The following LNX1 variants were observed in gnomAD, a reference collection of about 807,000 sequenced individuals.
LNX1 encodes E3 ubiquitin-protein ligase LNX.
Under a neutral mutation model 68.4 loss-of-function variants are expected in LNX1, and 54 were observed. The ratio of observed to expected loss-of-function variants is 0.79; its 90% CI spans 0.63 to 0.99. The LOEUF is 0.99. Among genes scored for constraint, LNX1 ranks in the 50% least tolerant of loss-of-function variants. LNX1 has a pLI of 0.00. For synonymous variants in LNX1, 336 were observed against 350.0 expected, an observed-to-expected ratio of 0.96 and a Z score of 0.45; for missense variants, 906 against 926.4, an observed-to-expected ratio of 0.98 and a Z score of 0.29.
At chr4:53,489,632 T>A (rs1724550255) in intron 6 of LNX1, among the ~76,000 whole-genome samples, 1 of 152,166 alleles carries the variant, frequency 6.6e-6, no homozygotes, top group South Asian at 2.1e-4. Flanking sequence ...TCCCCTAATA[T>A]TTGCAGTGTG....
At chr4:53,499,791 T>C (rs1725347331) in intron 4 of LNX1, among the ~76,000 whole-genome samples, 1 of 152,236 alleles carries the variant, frequency 6.6e-6, no homozygotes, top group Non-Finnish European at 1.5e-5. Context: ...GCCTGATTCA[T>C]GATCAAGAAG....
chr4:53,547,507 G>C (rs1232025209), intron 2 of LNX1, among the ~76,000 whole-genome samples: 1 of 152,124 alleles, frequency 6.6e-6, no homozygotes, highest in East Asian at 1.9e-4. Flanking sequence ...GAATCACTAG[G>C]TCATCTCACC....
intron 2 of LNX1, among the ~76,000 whole-genome samples, chr4:53,569,091 G>A (rs1446024463): frequency 5.3e-5 from 8 of 151,434 alleles, no homozygotes; most frequent in African/African-American, 1.9e-4. Context: ...TACTGCCCAA[G>A]GTAATTTACA....
At chr4:53,491,928 C>T (rs983609488) in intron 6 of LNX1, among the ~76,000 whole-genome samples, 2 of 151,710 alleles carry the variant, frequency 1.3e-5, no homozygotes, top group African/African-American at 4.8e-5. Flanking sequence ...GCTGGGATCA[C>T]AGGCGTGCGC....
At chr4:53,609,110 CT>C (rs1733364700) in intron 2 of LNX1, among the ~76,000 whole-genome samples, 2 of 152,062 alleles carry the variant, frequency 1.3e-5, no homozygotes, top group Non-Finnish European at 2.9e-5. Context: ...TGCTTCACTC[CT>C]ACAACTATCT....
intron 1 of LNX1, among the ~76,000 whole-genome samples, chr4:53,645,853 C>A (rs138379885): frequency 2.0e-5 from 3 of 152,208 alleles, no homozygotes; most frequent in Admixed American, 2.0e-4. Context: ...AAATACCAGA[C>A]TCCTGGGCAT....
upstream of LNX1, among the ~76,000 whole-genome samples, chr4:53,621,478 C>T (rs570129970): frequency 4.6e-5 from 7 of 152,192 alleles, no homozygotes; most frequent in Admixed American, 1.3e-4. Context: ...AATGGGTGCT[C>T]GGTCAATGTT....
At chr4:53,600,309 A>C (rs1480759301) in intron 2 of LNX1, among the ~76,000 whole-genome samples, 4 of 152,158 alleles carry the variant, frequency 2.6e-5, no homozygotes, top group Admixed American at 2.0e-4. Flanking sequence ...CATGCACACA[A>C]AAAAAAGTCC....
intron 10 of LNX1, 75 bp downstream of exon 10, chr4:53,461,360 C>G: frequency 8.2e-7 from 1 of 1,224,482 alleles, no homozygotes; most frequent in South Asian, 1.4e-5. Context: ...CATGCCTTAT[C>G]TCAAATGGGG....
chr4:53,480,127 G>A (rs1283044315), intron 7 of LNX1, among the ~76,000 whole-genome samples: 2 of 152,166 alleles, frequency 1.3e-5, no homozygotes, highest in African/African-American at 4.8e-5. Context: ...AACCAAACAA[G>A]ATTTTAGTAA....
chr4:53,557,725 G>T, intron 2 of LNX1: 1 of 863,260 alleles, frequency 1.2e-6, no homozygotes, highest in African/African-American at 1.7e-5. Flanking sequence ...TAAGCATGCC[G>T]TTTTAAACTG....
intron 9 of LNX1, among the ~76,000 whole-genome samples, chr4:53,466,428 G>A (rs932491490): frequency 1.1e-4 from 17 of 152,204 alleles, no homozygotes; most frequent in African/African-American, 4.1e-4. Flanking sequence ...TGCAGAAGAT[G>A]GGTGATTTCT....
chr4:53,541,197 C>A (rs577594141), intron 2 of LNX1, among the ~76,000 whole-genome samples: 7 of 151,024 alleles, frequency 4.6e-5, no homozygotes, highest in African/African-American at 7.3e-5. Flanking sequence ...GGCAGGAATG[C>A]GTTCTGTGAT....
chr4:53,548,347 A>G (rs1373089061), intron 2 of LNX1, among the ~76,000 whole-genome samples: 1 of 152,018 alleles, frequency 6.6e-6, no homozygotes, highest in Non-Finnish European at 1.5e-5. Context: ...TCTTAGGTAT[A>G]TTTTTTCTAT....
chr4:53,476,717 C>A (rs755198295), intron 9 of LNX1, 36 bp downstream of exon 9: 5 of 1,559,118 alleles, frequency 3.2e-6, no homozygotes, highest in Non-Finnish European at 4.4e-6. Context: ...ATCGTTTTCT[C>A]CCACGCCCCT....
rs536163617 is a variant in LNX1 at position 53,591,394 on chromosome 4, A to G, written c.-93T>C. The G allele has an allele frequency of 1.0e-3, 982 of 985,526 alleles. 1 individual carries two copies. The highest frequency in any genetic ancestry group is 1.1e-3 in the Non-Finnish European group (933 of 830,066). 61.0% of individuals were successfully genotyped at this position (985,526 alleles called of 1,614,324 possible). A position where few individuals can be genotyped will look rare whatever the true frequency, so the allele number is the denominator to read the frequency against. On this transcript the variant is annotated 5_prime_UTR_variant, in exon 1 of 11. An upstream open reading frame in the 5' UTR loses its in-frame stop. Coordinates refer to ENST00000263925, the MANE Select transcript of LNX1 (RefSeq NM_001126328.3). ...ATGGAGGGTTTCAACTCACCTCTTCAAGCGACTGTCTGGGGCTCTCCAAGC... is the reference window on the plus strand; with the variant it reads ...ATGGAGGGTTTCAACTCACCTCTTCGAGCGACTGTCTGGGGCTCTCCAAGC...
intron 2 of LNX1, among the ~76,000 whole-genome samples, chr4:53,566,427 A>C (rs1489817387): frequency 2.6e-5 from 4 of 152,022 alleles, no homozygotes; most frequent in African/African-American, 9.7e-5. Context: ...GAAAGAAAAT[A>C]CTTTACAGAC....
chr4:53,488,843 C>T (rs1724497470), intron 6 of LNX1, among the ~76,000 whole-genome samples: 1 of 152,126 alleles, frequency 6.6e-6, no homozygotes, highest in African/African-American at 2.4e-5. Context: ...AAATCAAAGT[C>T]ATCAGTCATT....
chr4:53,605,020 C>T (rs1026932024), intron 2 of LNX1, among the ~76,000 whole-genome samples: 8 of 152,048 alleles, frequency 5.3e-5, no homozygotes, highest in Non-Finnish European at 5.9e-5. Flanking sequence ...ACTTGGAGTC[C>T]GCATTAGCAT....
Sources: allele counts gnomAD v4.1 joint callset (sites outside exome capture counted in the v4.1 genomes callset), GRCh38; gene constraint gnomAD v4.1.1; transcripts MANE v1.5; gene names NCBI Gene and HGNC (gene_info 2026-07-23, HGNC 2026-07-21).